The following HTT variants were observed in gnomAD, a reference collection of about 807,000 sequenced individuals.
HTT encodes huntington disease protein.
In HTT, 104 loss-of-function variants were observed where a neutral mutation model predicts 362.3. The ratio of observed to expected loss-of-function variants is 0.29; its 90% confidence interval spans 0.24 to 0.34. The LOEUF (loss-of-function observed/expected upper bound fraction) is 0.34. Among genes scored for constraint, HTT ranks in the 10% least tolerant of loss-of-function variants. HTT has a pLI of 1.00. For synonymous variants in HTT, 1,577 were observed against 1,548.7 expected, an observed-to-expected ratio of 1.02 and a Z score of -0.43; for missense variants, 3,301 against 3,928.6, an observed-to-expected ratio of 0.84 and a Z score of 4.27.
At chr4:3,096,146 T>C (rs2110152279) in intron 2 of HTT, among the ~76,000 whole-genome samples, 1 of 152,376 alleles carries the variant, frequency 6.6e-6, no homozygotes. Flanking sequence ...GGTCATTTCA[T>C]AATGATGAAG....
chr4:3,087,802 T>C (rs1713291575), intron 2 of HTT, among the ~76,000 whole-genome samples: 1 of 152,228 alleles, frequency 6.6e-6, no homozygotes, highest in South Asian at 2.1e-4. Context: ...AAAAAATTTT[T>C]AGACAAATAA....
chr4:3,136,477 A>C (rs912201927), intron 21 of HTT, 151 bp downstream of exon 21: 8 of 449,690 alleles, frequency 1.8e-5, no homozygotes, highest in African/African-American at 1.6e-4. Context: ...TATAATGAAA[A>C]AAAAATCCAA....
chr4:3,119,961 A>G (rs974306387), intron 8 of HTT, among the ~76,000 whole-genome samples: 3 of 152,232 alleles, frequency 2.0e-5, no homozygotes, highest in African/African-American at 7.2e-5. Flanking sequence ...GTAGCATGAA[A>G]GCAGCCACAG....
chr4:3,188,031 T>A, intron 39 of HTT, 145 bp downstream of exon 39: 1 of 611,528 alleles, frequency 1.6e-6, no homozygotes, highest in South Asian at 2.0e-5. Flanking sequence ...AATTTTCTAA[T>A]CCGTCCTGCA....
chr4:3,135,829 GCT>G, intron 19 of HTT, 73 bp from the exon 20 acceptor site: 1 of 1,245,078 alleles, frequency 8.0e-7, no homozygotes, highest in Non-Finnish European at 1.1e-6. Context: ...GGATGAGCCT[GCT>G]CTGGAGCAAG....
chr4:3,151,017 C>G (rs917706124), intron 26 of HTT, among the ~76,000 whole-genome samples: 3 of 150,188 alleles, frequency 2.0e-5, no homozygotes, highest in Non-Finnish European at 4.4e-5. Flanking sequence ...CCAGCCTGGG[C>G]GACAGAGCGA....
chr4:3,164,343 C>T (rs1717594757), intron 29 of HTT, among the ~76,000 whole-genome samples: 1 of 152,144 alleles, frequency 6.6e-6, no homozygotes, highest in Non-Finnish European at 1.5e-5. Context: ...GTTTTACTTC[C>T]AACTATGTGG....
chr4:3,137,053 G>A (rs1716105245), intron 21 of HTT, among the ~76,000 whole-genome samples: 1 of 151,668 alleles, frequency 6.6e-6, no homozygotes, highest in East Asian at 2.0e-4. Flanking sequence ...GATTACAGGG[G>A]CACACCACCA....
intron 5 of HTT, 49 bp downstream of exon 5, chr4:3,105,485 C>A (rs1479204203): frequency 5.0e-6 from 6 of 1,207,098 alleles, no homozygotes. Context: ...CCAGCTGCTA[C>A]TGATCCTTTA....
At chr4:3,138,218 C>T (rs1289626452) in intron 21 of HTT, among the ~76,000 whole-genome samples, 2 of 149,802 alleles carry the variant, frequency 1.3e-5, no homozygotes, top group African/African-American at 2.5e-5. Context: ...TTCCTTCCTT[C>T]GTTTCTTTCT....
chr4:3,095,003 T>A (rs1463571821), intron 2 of HTT, among the ~76,000 whole-genome samples: 3 of 147,184 alleles, frequency 2.0e-5, no homozygotes. Flanking sequence ...ACTTCCTAGA[T>A]GGGATGACAG....
intron 6 of HTT, 76 bp from the exon 7 acceptor site, chr4:3,115,228 C>T (rs1406660505): frequency 5.0e-6 from 7 of 1,398,736 alleles, no homozygotes; most frequent in African/African-American, 2.9e-5. Context: ...TTCTAATTCA[C>T]GTTAAGTTTT....
intron 29 of HTT, among the ~76,000 whole-genome samples, chr4:3,166,163 C>G (rs1341920595): frequency 6.6e-6 from 1 of 152,190 alleles, no homozygotes; most frequent in African/African-American, 2.4e-5. Flanking sequence ...TTCTAACAGA[C>G]AGGCCCCTCA....
intron 29 of HTT, among the ~76,000 whole-genome samples, chr4:3,167,292 C>T (rs1327134898): frequency 3.3e-5 from 5 of 152,056 alleles, no homozygotes; most frequent in East Asian, 1.9e-4. Context: ...AGGCTAGTCT[C>T]GAACTCCTGA....
intron 1 of HTT, 32 bp from the exon 2 acceptor site, chr4:3,086,907 C>T (rs1227830421): frequency 8.0e-7 from 1 of 1,242,534 alleles, no homozygotes; most frequent in Admixed American, 1.7e-5. Context: ...TAATTCAACA[C>T]ATATTAATTT....
chr4:3,093,523 T>C (rs953541164), intron 2 of HTT, among the ~76,000 whole-genome samples: 8 of 152,194 alleles, frequency 5.3e-5, no homozygotes, highest in Non-Finnish European at 1.2e-4. Context: ...CCAAAAGATA[T>C]CAAGTCCTAA....
chr4:3,127,825 G>A lies in HTT; in HGVS notation c.1743+221G>A, dbSNP rs186217505. On this transcript the variant is annotated intron_variant, in intron 12 of 66. Coordinates refer to ENST00000355072, the MANE Select transcript of HTT (RefSeq NM_001388492.1). ...CTAAAAATACAAAAATTAGTTGGGCGTGGTGGCACATGTCTGTAGTCCCAG... is the reference window on the plus strand; with the variant it reads ...CTAAAAATACAAAAATTAGTTGGGCATGGTGGCACATGTCTGTAGTCCCAG... Among the ~76,000 whole-genome samples, 1,133 of 151,850 alleles carry A rather than the reference G, an allele frequency of 7.5e-3. 16 individuals carry two copies. The highest frequency in any genetic ancestry group is 0.025 in the African/African-American group (1,033 of 41,454).
chr4:3,140,723 C>A, intron 22 of HTT, 67 bp downstream of exon 22: 1 of 1,446,842 alleles, frequency 6.9e-7, no homozygotes, highest in Non-Finnish European at 9.5e-7. Context: ...TTTCTTTAGG[C>A]TTTAATTGAA....
intron 28 of HTT, among the ~76,000 whole-genome samples, chr4:3,157,866 A>G (rs1717227159): frequency 6.6e-6 from 1 of 152,190 alleles, no homozygotes; most frequent in Non-Finnish European, 1.5e-5. Flanking sequence ...TAATGTTTAC[A>G]GAAGAATTTT....
Sources: allele counts gnomAD v4.1 joint callset (sites outside exome capture counted in the v4.1 genomes callset), GRCh38; gene constraint gnomAD v4.1.1; transcripts MANE v1.5; gene names NCBI Gene and HGNC (gene_info 2026-07-23, HGNC 2026-07-21).